The following SLC38A6 variants were observed in gnomAD, a reference collection of about 807,000 sequenced individuals.
The protein encoded by SLC38A6 is N system amino acid transporter NAT-1.
Under a neutral mutation model 65.0 loss-of-function variants are expected in SLC38A6, and 73 were observed. The ratio of observed to expected loss-of-function variants is 1.12; its 90% CI spans 0.93 to 1.37. The LOEUF (loss-of-function observed/expected upper bound fraction) is 1.37. Among genes scored for constraint, SLC38A6 ranks in the 40% most tolerant of loss-of-function variants. The pLI is 0.00. For synonymous variants in SLC38A6, 183 were observed against 178.8 expected (o/e 1.02, Z -0.19); for missense variants, 561 against 531.1 (o/e 1.06, Z -0.55).
chr14:60,987,007 A>G (rs2037497496), intron 3 of SLC38A6: 2 of 381,898 alleles, frequency 5.2e-6, no homozygotes, highest in South Asian at 3.6e-5. Context: ...TATGAAGTGA[A>G]TATATCTGTT....
chr14:61,061,375 A>C (rs1311874807), intron 15 of SLC38A6, among the ~76,000 whole-genome samples: 1 of 152,202 alleles, frequency 6.6e-6, no homozygotes, highest in Admixed American at 6.5e-5. Flanking sequence ...TGTTCATCAA[A>C]GATATTGACC....
At chr14:61,083,716 ATGT>A, downstream of SLC38A6, 1 of 1,547,110 alleles carries the variant, frequency 6.5e-7, no homozygotes, top group Non-Finnish European at 8.7e-7. Flanking sequence ...CAAATAAATG[ATGT>A]TGTTTAATCA....
At chr14:61,002,396 A>C (rs1318230096) in intron 3 of SLC38A6, among the ~76,000 whole-genome samples, 1 of 152,206 alleles carries the variant, frequency 6.6e-6, no homozygotes, top group Non-Finnish European at 1.5e-5. Flanking sequence ...ATTTCAAAAT[A>C]ATAAGGGTAC....
intron 12 of SLC38A6, among the ~76,000 whole-genome samples, chr14:61,049,578 G>A (rs1020686625): frequency 3.3e-5 from 5 of 152,104 alleles, no homozygotes. Context: ...CATAGCTCTT[G>A]TTTAGAACTC....
chr14:60,999,536 G>T (rs565073809), intron 3 of SLC38A6, among the ~76,000 whole-genome samples: 1 of 152,244 alleles, frequency 6.6e-6, no homozygotes, highest in East Asian at 1.9e-4. Flanking sequence ...ATACCCTACT[G>T]CAGTGAGCTG....
In SLC38A6 at chr14:61,043,210, CAGGTAATAGCTTATA is replaced by C. The variant is rs780414251; in HGVS notation, c.689_690+13del. On this transcript the variant is annotated splice_donor_variant and splice_donor_5th_base_variant and coding_sequence_variant and intron_variant, in exon 9 of 16. Transcript: ENST00000267488. LOFTEE classifies it high-confidence loss of function. ...ATTAAATTATGTAGAGAAAGGTTTCCAGGTAATAGCTTATATTTTCTTTTCAGTTTCTTCCTTTTT... is the reference window on the plus strand; with the variant it reads ...ATTAAATTATGTAGAGAAAGGTTTCCTTTTCTTTTCAGTTTCTTCCTTTTT... 32 of 1,469,664 alleles carry C rather than the reference CAGGTAATAGCTTATA, an allele frequency of 2.2e-5. No individual in the cohort carries two copies. The highest frequency in any genetic ancestry group is 1.7e-4 in the Admixed American group (8 of 47,268). The allele number at this position is 1,469,664 out of a possible 1,614,324, so 91.0% of individuals were successfully genotyped here.
intron 13 of SLC38A6, among the ~76,000 whole-genome samples, chr14:61,051,486 T>G (rs143220620): frequency 2.8e-4 from 43 of 152,308 alleles, no homozygotes; most frequent in Non-Finnish European, 5.1e-4. Flanking sequence ...AAATCATTCT[T>G]TGAGACTTTT....
intron 3 of SLC38A6, among the ~76,000 whole-genome samples, 188 bp downstream of exon 3, chr14:60,984,991 A>G (rs1164337252): frequency 1.3e-5 from 2 of 152,214 alleles, no homozygotes; most frequent in African/African-American, 4.8e-5. Context: ...ATCCAAGCAC[A>G]GGATGGGAGG....
chr14:61,065,352 G>A (rs2042987267), intron 15 of SLC38A6, among the ~76,000 whole-genome samples: 1 of 152,110 alleles, frequency 6.6e-6, no homozygotes, highest in Non-Finnish European at 1.5e-5. Flanking sequence ...TAGTATACTG[G>A]TAAATCCATC....
chr14:61,019,832 C>A (rs2040245712), intron 5 of SLC38A6, among the ~76,000 whole-genome samples: 1 of 151,942 alleles, frequency 6.6e-6, no homozygotes, highest in African/African-American at 2.4e-5. Flanking sequence ...ACCTCTAAAA[C>A]ATTGGCTTTC....
At chr14:61,011,492 A>G (rs2039560968) in intron 3 of SLC38A6, among the ~76,000 whole-genome samples, 1 of 151,986 alleles carries the variant, frequency 6.6e-6, no homozygotes, top group South Asian at 2.1e-4. Flanking sequence ...GTTTTTGCCC[A>G]TTCAGTATGA....
intron 3 of SLC38A6, among the ~76,000 whole-genome samples, chr14:61,002,411 C>G (rs891718081): frequency 1.3e-5 from 2 of 152,074 alleles, no homozygotes; most frequent in African/African-American, 4.8e-5. Context: ...GGGTACATTC[C>G]CAATGGCCAG....
chr14:61,014,688 G>C (rs530198031), intron 3 of SLC38A6, among the ~76,000 whole-genome samples: 1 of 152,326 alleles, frequency 6.6e-6, no homozygotes, highest in South Asian at 2.1e-4. Flanking sequence ...AGCAGAGGCT[G>C]CAGAACAGCG....
At chr14:61,081,329 A>G (rs2043638442) in intron 16 of SLC38A6, among the ~76,000 whole-genome samples, 1 of 152,232 alleles carries the variant, frequency 6.6e-6, no homozygotes, top group Non-Finnish European at 1.5e-5. Flanking sequence ...GCTTTGGGTC[A>G]TTGCTTGAAC....
chr14:61,062,557 G>C (rs1048798508), intron 15 of SLC38A6, among the ~76,000 whole-genome samples: 15 of 151,566 alleles, frequency 9.9e-5, no homozygotes, highest in African/African-American at 3.6e-4. Context: ...AAATTCCTGG[G>C]CTCAAGTGAT....
At chr14:61,065,888 C>T (rs2043003489) in intron 15 of SLC38A6, among the ~76,000 whole-genome samples, 1 of 152,124 alleles carries the variant, frequency 6.6e-6, no homozygotes, top group East Asian at 1.9e-4. Flanking sequence ...AGAGTACTTC[C>T]ACTCTGGCTG....
rs1483471321 is a variant in SLC38A6 at position 60,984,860 on chromosome 14, T to C, written c.310+57T>C. The C allele has an allele frequency of 2.7e-6, 4 of 1,487,330 alleles. No homozygotes were observed. In the African/African-American group the frequency reaches 4.1e-5, roughly 15 times the overall value. The allele number at this position is 1,487,330 out of a possible 1,614,324, so 92.1% of individuals were successfully genotyped here. On this transcript the variant is annotated intron_variant, in intron 3 of 15. Coordinates refer to ENST00000267488, the MANE Select transcript of SLC38A6 (RefSeq NM_153811.3). ...TAAAGGAGTCTCTTGAGTTTGTATC[T>C]ACATATAGAACTGGATGTCTCAAAT...
At chr14:61,009,550 A>G (rs1396071762) in intron 3 of SLC38A6, among the ~76,000 whole-genome samples, 3 of 128,724 alleles carry the variant, frequency 2.3e-5, no homozygotes, top group Non-Finnish European at 5.0e-5. Context: ...CCCACCCCAC[A>G]GCAGGGATGT....
chr14:61,013,570 G>T (rs966282424), intron 3 of SLC38A6, among the ~76,000 whole-genome samples: 1 of 152,144 alleles, frequency 6.6e-6, no homozygotes, highest in Non-Finnish European at 1.5e-5. Flanking sequence ...GCTCTTGTAG[G>T]GCGGGTCTGG....
Sources: gnomAD v4.1 joint callset for allele counts (sites outside exome capture counted in the v4.1 genomes callset) on GRCh38, gnomAD v4.1.1 for gene constraint, MANE v1.5 for transcripts, NCBI Gene and HGNC (gene_info 2026-07-23, HGNC 2026-07-21) for gene names.